SLC44A3: variants seen among roughly 807,000 people sequenced by gnomAD.
SLC44A3 encodes choline transporter-like protein 3.
Under a neutral mutation model 75.4 loss-of-function variants are expected in SLC44A3, and 74 were observed. That is an observed-to-expected ratio of 0.98 (90% CI 0.81 to 1.19). The LOEUF (loss-of-function observed/expected upper bound fraction) is 1.19, where lower values mean the gene tolerates loss of function less well. Ranked by LOEUF, SLC44A3 falls within the 50% of genes most tolerant of loss-of-function variation. The pLI is 0.00. For synonymous variants in SLC44A3, 310 were observed against 296.9 expected (o/e 1.04, Z -0.45); for missense variants, 700 against 778.6 (o/e 0.90, Z 1.20).
In SLC44A3 at chr1:94,842,011, GT is replaced by G; in HGVS notation, c.776del (p.Leu259TyrfsTer14). 1 of 1,611,240 alleles carries G rather than the reference GT, an allele frequency of 6.2e-7. No homozygotes were observed. ...VILGLLFVCGVLWWLYYDYTN... is the reference protein window; with the variant it reads ...VILGLLFVCGXLWWLYYDYTN... ...GTTCTCTTTTCTAGTTGTCTGCGGT[GT>G]TTTATGGTGGCTGTATTATGACTAT... is the stretch of plus-strand genomic sequence containing the variant. On this transcript the variant is annotated frameshift_variant, in exon 8 of 15. Transcript: ENST00000271227. LOFTEE classifies it high-confidence loss of function.
chr1:94,843,356 C>T (rs1045331233), intron 8 of SLC44A3: 1 of 152,238 alleles, frequency 6.6e-6, no homozygotes, highest in South Asian at 2.1e-4. Context: ...GAGTTCTTAC[C>T]AATTCCCGGT....
rs570995631 is a variant in SLC44A3 at position 94,840,616 on chromosome 1, A to G, written c.760+579A>G. Among the ~76,000 whole-genome samples, 197 of 152,242 alleles carry G rather than the reference A, an allele frequency of 1.3e-3. 1 individual carries two copies. Among genetic ancestry groups the G allele is most frequent in the African/African-American group, 3.8e-3 (157 of 41,564 alleles). ...TATCTGTAGTTTCTTCTGCTGTGCT[A>G]TGCTGCCCCTGAGATGAGCTTTCCA... On this transcript the variant is annotated intron_variant, in intron 7 of 14. Transcript: ENST00000271227.
At chr1:94,843,169 T>C in intron 8 of SLC44A3, 1 of 152,368 alleles carries the variant, frequency 6.6e-6, no homozygotes, top group Non-Finnish European at 1.5e-5. Context: ...CAGGGCTCCC[T>C]TTTTGTTTGT....
chr1:94,838,711 T>G (rs1663149917), intron 6 of SLC44A3, among the ~76,000 whole-genome samples: 1 of 152,248 alleles, frequency 6.6e-6, no homozygotes, highest in African/African-American at 2.4e-5. Flanking sequence ...CTATTATGAC[T>G]TTCAGACTTC....
At position 94,857,346 on chromosome 1, in the gene SLC44A3, G is replaced by A. The variant is rs143570687; in HGVS notation, c.1084G>A (p.Val362Ile). The change falls in exon 10 of 15, where the codon GTT becomes ATT. Residue 362 changes from valine to isoleucine, a missense_variant. Physicochemically the swap from Val to Ile is conservative, Grantham distance 29. Coordinates refer to ENST00000271227, the MANE Select transcript of SLC44A3 (RefSeq NM_001114106.3). ...LSLGTAGAAQ[V>I]MEGGQVEYKP... is the part of the protein sequence containing the mutation. ...GTTTGAAACTTTAGGAGCTGCCCAGGTTATGGAAGGCGGCCAAGTGGAATA... is the reference window on the plus strand; with the variant it reads ...GTTTGAAACTTTAGGAGCTGCCCAGATTATGGAAGGCGGCCAAGTGGAATA... 2.7e-4 allele frequency: 428 copies of A among 1,609,252 alleles called. 1 individual carries two copies. The African/African-American group carries it at 5.0e-3, about 19-fold the overall frequency.
chr1:94,860,405 C>T (rs1221786883), intron 10 of SLC44A3, among the ~76,000 whole-genome samples: 1 of 152,008 alleles, frequency 6.6e-6, no homozygotes, highest in Admixed American at 6.6e-5. Context: ...ATTTGGGAGA[C>T]CCACTATCTG....
At chr1:94,859,967 C>G (rs1453260186) in intron 10 of SLC44A3, among the ~76,000 whole-genome samples, 1 of 152,202 alleles carries the variant, frequency 6.6e-6, no homozygotes, top group Non-Finnish European at 1.5e-5. Context: ...AACAGTGAAG[C>G]TCATCAGACA....
At chr1:94,820,532 T>A in intron 1 of SLC44A3, 54 bp downstream of exon 1, 1 of 1,469,638 alleles carries the variant, frequency 6.8e-7, no homozygotes, top group South Asian at 1.3e-5. Context: ...AAGGGTCGAG[T>A]CCCCCGCCTT....
At chr1:94,872,735 C>T (rs1667899856) in intron 12 of SLC44A3, among the ~76,000 whole-genome samples, 1 of 152,218 alleles carries the variant, frequency 6.6e-6, no homozygotes, top group South Asian at 2.1e-4. Context: ...TCATGGCATC[C>T]AGCCCAGAGC....
intron 5 of SLC44A3, among the ~76,000 whole-genome samples, chr1:94,833,063 A>G (rs1662328986): frequency 1.3e-5 from 2 of 152,028 alleles, no homozygotes; most frequent in African/African-American, 4.8e-5. Flanking sequence ...CGCTTGGCCC[A>G]GGAGCAAGTG....
chr1:94,884,983 C>T (rs1053451741), intron 12 of SLC44A3, among the ~76,000 whole-genome samples: 2 of 152,166 alleles, frequency 1.3e-5, no homozygotes, highest in African/African-American at 2.4e-5. Flanking sequence ...CAGTGGCTCA[C>T]GCCTATAATC....
At chr1:94,872,395 C>G (rs1246819812) in intron 12 of SLC44A3, among the ~76,000 whole-genome samples, 1 of 151,816 alleles carries the variant, frequency 6.6e-6, no homozygotes, top group Non-Finnish European at 1.5e-5. Flanking sequence ...CGTGCCCGGC[C>G]TTTTGTTTAT....
chr1:94,831,439 C>CT (rs1662115714), intron 5 of SLC44A3, among the ~76,000 whole-genome samples: 1 of 152,216 alleles, frequency 6.6e-6, no homozygotes, highest in South Asian at 2.1e-4. Flanking sequence ...CTAAATACCT[C>CT]TTTTTGACTA....
chr1:94,869,589 A>T (rs1667543223), intron 12 of SLC44A3, among the ~76,000 whole-genome samples: 1 of 152,150 alleles, frequency 6.6e-6, no homozygotes, highest in Admixed American at 6.5e-5. Context: ...AAAAACAAGA[A>T]TTGATGTGAA....
chr1:94,820,600 C>CG (rs1185671478), intron 1 of SLC44A3, 122 bp downstream of exon 1: 2 of 1,387,746 alleles, frequency 1.4e-6, no homozygotes, highest in African/African-American at 3.0e-5. Context: ...ATCCCGCCCC[C>CG]GCTTAGTACC....
At chr1:94,837,975 A>G (rs1401251248) in intron 6 of SLC44A3, 104 bp downstream of exon 6, 1 of 1,067,910 alleles carries the variant, frequency 9.4e-7, no homozygotes, top group African/African-American at 1.7e-5. Flanking sequence ...TTTAAATATA[A>G]AACTCTGTAT....
At chr1:94,832,999 C>G in intron 5 of SLC44A3, among the ~76,000 whole-genome samples, 1 of 151,620 alleles carries the variant, frequency 6.6e-6, no homozygotes, top group East Asian at 1.9e-4. Context: ...AAATATTCAG[C>G]CCAATGTGAT....
rs528131348 is a variant in SLC44A3 at position 94,848,760 on chromosome 1, G to A, written c.1072+3296G>A. Among the ~76,000 whole-genome samples the A allele has an allele frequency of 1.8e-4, 27 of 152,172 alleles. No individual in the cohort carries two copies. The South Asian group carries it at 2.1e-3, about 12-fold the overall frequency. On this transcript the variant is annotated intron_variant, in intron 9 of 14. Coordinates refer to ENST00000271227, the MANE Select transcript of SLC44A3 (RefSeq NM_001114106.3). ...AAGCAGGATGGTCCAACAATGAAACGTGTGATCGCAGTGAAGATTGATGGA... is the reference window on the plus strand; with the variant it reads ...AAGCAGGATGGTCCAACAATGAAACATGTGATCGCAGTGAAGATTGATGGA...
chr1:94,828,929 A>G (rs1661738330), intron 5 of SLC44A3, among the ~76,000 whole-genome samples: 1 of 152,112 alleles, frequency 6.6e-6, no homozygotes, highest in Non-Finnish European at 1.5e-5. Context: ...TACTCCAATT[A>G]TTTATTGCAA....
Sources: gnomAD v4.1 joint callset for allele counts (sites outside exome capture counted in the v4.1 genomes callset) on GRCh38, gnomAD v4.1.1 for gene constraint, MANE v1.5 for transcripts, NCBI Gene and HGNC (gene_info 2026-07-23, HGNC 2026-07-21) for gene names.